The following FAF2 variants were observed in gnomAD, a reference collection of about 807,000 sequenced individuals.
The protein encoded by FAF2 is Fas associated factor family member 2, also known as FAS-associated factor 2.
In FAF2, 9 loss-of-function variants were observed where a neutral mutation model predicts 62.3. The ratio of observed to expected loss-of-function variants is 0.14; its 90% CI spans 0.09 to 0.25. The LOEUF is 0.25. Ranked by LOEUF, FAF2 falls within the 10% of genes least tolerant of loss-of-function variation. The pLI is 1.00. For synonymous variants in FAF2, 202 were observed against 198.0 expected, an observed-to-expected ratio of 1.02 and a Z score of -0.17; for missense variants, 368 against 556.2, an observed-to-expected ratio of 0.66 and a Z score of 3.40.
rs1039934596 is a variant in FAF2 at position 176,509,288 on chromosome 5, T to C, written c.*2338T>C. The stretch of plus-strand genomic sequence containing the variant: ...AGTCAAATACAGGCTGCACATTTTG[T>C]CACTTAATGCCAGTACAATCTGTGT... On this transcript the variant is annotated 3_prime_UTR_variant, in exon 11 of 11. Coordinates refer to ENST00000261942, the MANE Select transcript of FAF2 (RefSeq NM_014613.3). 1 of 152,212 alleles carries C rather than the reference T, an allele frequency of 6.6e-6. No individual in the cohort carries two copies. Among genetic ancestry groups the C allele is most frequent in the African/African-American group, 2.4e-5 (1 of 41,446 alleles). The allele number at this position is 152,212 out of a possible 1,614,324, so 9.4% of individuals were successfully genotyped here.
chr5:176,474,654 T>C (rs971883160), intron 1 of FAF2, among the ~76,000 whole-genome samples: 13 of 152,256 alleles, frequency 8.5e-5, no homozygotes, highest in African/African-American at 3.1e-4. Flanking sequence ...CCTGGAATAC[T>C]CTTCCCAGAT....
At chr5:176,448,541 C>G (rs921603408) in intron 1 of FAF2, 71 bp downstream of exon 1, 1 of 1,438,024 alleles carries the variant, frequency 7.0e-7, no homozygotes, top group Non-Finnish European at 9.5e-7. Context: ...GAGTTCAGAA[C>G]CCTCCTCAGA....
chr5:176,499,205 AAAAGG>A, intron 9 of FAF2, 120 bp downstream of exon 9: 1 of 898,684 alleles, frequency 1.1e-6, no homozygotes, highest in Non-Finnish European at 1.5e-6. Context: ...GGGAAAAAAA[AAAAGG>A]AAAAAGGAAA....
intron 1 of FAF2, among the ~76,000 whole-genome samples, chr5:176,470,314 A>C (rs1470678938): frequency 6.6e-6 from 1 of 152,246 alleles, no homozygotes; most frequent in Non-Finnish European, 1.5e-5. Flanking sequence ...GCGGTGACTC[A>C]CGCCTATAAT....
chr5:176,502,991 T>A (rs1755620634), intron 10 of FAF2, among the ~76,000 whole-genome samples: 1 of 151,324 alleles, frequency 6.6e-6, no homozygotes, highest in Non-Finnish European at 1.5e-5. Context: ...GTGGTTGCAG[T>A]GGACCGAGAC....
Position 176,498,918 on chromosome 5 carries a change from G to C in FAF2, c.844G>C (p.Glu282Gln), listed in dbSNP as rs1450703301. ...YLVSERLERE[E>Q]RNQTQVLRQQ... ...TTGCTTTTGATCTATTCACAGGGAA[G>C]AAAGAAACCAGACCCAAGTGCTGAG... The change falls in exon 9 of 11, where the codon GAA (glutamate) becomes CAA (glutamine). Residue 282 changes from glutamate to glutamine, a missense_variant. By Grantham distance (29) the Glu-to-Gln change is conservative. Coordinates refer to ENST00000261942, the MANE Select transcript of FAF2 (RefSeq NM_014613.3). 1 of 1,591,288 alleles carries C rather than the reference G, an allele frequency of 6.3e-7. No individual in the cohort carries two copies. The highest frequency in any genetic ancestry group is 8.6e-7 in the Non-Finnish European group (1 of 1,169,214).
At chr5:176,490,772 T>G (rs1004199620) in intron 4 of FAF2, among the ~76,000 whole-genome samples, 1 of 152,100 alleles carries the variant, frequency 6.6e-6, no homozygotes, top group Admixed American at 6.6e-5. Flanking sequence ...GACATCTCTG[T>G]TTTTTTCTAA....
chr5:176,502,940 C>T (rs911883750), intron 10 of FAF2, among the ~76,000 whole-genome samples: 12 of 150,434 alleles, frequency 8.0e-5, no homozygotes, highest in African/African-American at 2.9e-4. Context: ...CCCAGCTACT[C>T]GGGAGGCTGA....
At chr5:176,490,592 A>C (rs1350422545) in intron 4 of FAF2, among the ~76,000 whole-genome samples, 1 of 152,130 alleles carries the variant, frequency 6.6e-6, no homozygotes, top group Non-Finnish European at 1.5e-5. Flanking sequence ...CAAGGGTCAG[A>C]TAGTACCTTT....
intron 1 of FAF2, among the ~76,000 whole-genome samples, chr5:176,459,046 G>T (rs1581468474): frequency 6.6e-6 from 1 of 151,990 alleles, no homozygotes; most frequent in South Asian, 2.1e-4. Context: ...ACAGAGTTTT[G>T]GGGGGTTCAA....
At chr5:176,490,921 T>C (rs185978713) in intron 4 of FAF2, among the ~76,000 whole-genome samples, 2 of 152,162 alleles carry the variant, frequency 1.3e-5, no homozygotes, top group East Asian at 1.9e-4. Flanking sequence ...AGTCTTCTGA[T>C]GAATTTCTAA....
chr5:176,491,133 A>G (rs1259344573), intron 4 of FAF2, among the ~76,000 whole-genome samples: 1 of 152,138 alleles, frequency 6.6e-6, no homozygotes, highest in East Asian at 1.9e-4. Flanking sequence ...TGTGCTGAAA[A>G]CGTTTTAAGT....
intron 1 of FAF2, among the ~76,000 whole-genome samples, chr5:176,454,921 ATATT>A (rs1475191151): frequency 1.3e-5 from 2 of 152,236 alleles, no homozygotes; most frequent in African/African-American, 2.4e-5. Flanking sequence ...AGAGGCAGTT[ATATT>A]TGCTCCCAAA....
intron 1 of FAF2, among the ~76,000 whole-genome samples, chr5:176,475,101 G>C (rs142479775): frequency 0.01 from 1,528 of 152,164 alleles, 25 homozygotes; most frequent in African/African-American, 0.034. Context: ...CAGTCACTCT[G>C]TTCTCTCCTG....
In FAF2 at chr5:176,508,138, T is replaced by G. The variant is rs1206712832; in HGVS notation, c.*1188T>G. ...TTGGAAGGCACATTTTCATTTCTGA[T>G]GCAGCCACCTTCTGGAGGCAGCTTT... On this transcript the variant is annotated 3_prime_UTR_variant, in exon 11 of 11. Transcript: ENST00000261942. The G allele has an allele frequency of 1.3e-5, 2 of 152,680 alleles. No homozygotes were observed. Among genetic ancestry groups the G allele is most frequent in the Non-Finnish European group, 2.9e-5 (2 of 68,064 alleles). 9.5% of individuals were successfully genotyped at this position (152,680 alleles called of 1,614,324 possible). A position where few individuals can be genotyped will look rare whatever the true frequency, so the allele number is the denominator to read the frequency against.
chr5:176,451,240 A>G (rs1347611274), intron 1 of FAF2, among the ~76,000 whole-genome samples: 1 of 152,072 alleles, frequency 6.6e-6, no homozygotes, highest in Non-Finnish European at 1.5e-5. Flanking sequence ...GCATGGTGGC[A>G]TGTGCCTGTA....
At chr5:176,462,485 G>A (rs1040289034) in intron 1 of FAF2, among the ~76,000 whole-genome samples, 3 of 151,806 alleles carry the variant, frequency 2.0e-5, no homozygotes, top group Non-Finnish European at 4.4e-5. Context: ...TTAGCCGGGC[G>A]TGGTGGCGCA....
chr5:176,488,449 A>C (rs62402534), intron 3 of FAF2, among the ~76,000 whole-genome samples: 26,721 of 152,062 alleles, frequency 0.18, 2,410 homozygotes, highest in African/African-American at 0.19. Context: ...TTGAGACAGA[A>C]TCTTGCTCTG....
intron 1 of FAF2, among the ~76,000 whole-genome samples, chr5:176,458,408 CTTT>C (rs751775026): frequency 2.3e-5 from 2 of 86,364 alleles, no homozygotes; most frequent in South Asian, 4.2e-4. Context: ...CTTTTTCTTC[CTTT>C]TTTTTTTTTT....
Sources: gnomAD v4.1 joint callset for allele counts (sites outside exome capture counted in the v4.1 genomes callset) on GRCh38, gnomAD v4.1.1 for gene constraint, MANE v1.5 for transcripts, NCBI Gene and HGNC (gene_info 2026-07-23, HGNC 2026-07-21) for gene names.